Variants in TRIO observed in about 807,000 individuals in gnomAD.
The protein encoded by TRIO is triple functional domain protein.
TRIO carries 58 observed loss-of-function variants against 351.9 expected under a neutral mutation model. The ratio of observed to expected loss-of-function variants is 0.16; its 90% CI spans 0.13 to 0.21. The LOEUF (loss-of-function observed/expected upper bound fraction) is 0.21. Among genes scored for constraint, TRIO ranks in the 10% least tolerant of loss-of-function variants. The pLI, the probability that TRIO is intolerant of heterozygous loss-of-function variation, is 1.00. For missense variants in TRIO, 3,201 were observed against 4,027.8 expected, an observed-to-expected ratio of 0.79 and a Z score of 5.56; for synonymous variants, 1,758 against 1,595.7, an observed-to-expected ratio of 1.10 and a Z score of -2.42.
chr5:14,287,272 G>A (rs1268777101), intron 4 of TRIO, among the ~76,000 whole-genome samples: 3 of 152,210 alleles, frequency 2.0e-5, no homozygotes, highest in Non-Finnish European at 4.4e-5. Flanking sequence ...CATGGGCTTA[G>A]GTTTCAGTTC....
intron 30 of TRIO, chr5:14,399,357 C>A: frequency 2.3e-6 from 1 of 439,882 alleles, no homozygotes; most frequent in East Asian, 3.2e-5. Flanking sequence ...CATTTATCTC[C>A]GGTGTGCTTA....
chr5:14,321,904 A>T (rs1280580547), intron 9 of TRIO, among the ~76,000 whole-genome samples: 1 of 152,310 alleles, frequency 6.6e-6, no homozygotes, highest in Non-Finnish European at 1.5e-5. Context: ...GCCATGTAAG[A>T]CATGCCTTTG....
intron 14 of TRIO, 76 bp downstream of exon 14, chr5:14,364,003 A>T: frequency 7.0e-7 from 1 of 1,437,278 alleles, no homozygotes; most frequent in Admixed American, 2.3e-5. Flanking sequence ...TTTCAGTGGG[A>T]TGACTGCAAA....
Position 14,498,118 on chromosome 5 carries a change from G to A in TRIO, c.8077G>A (p.Glu2693Lys). ...CCCAGAATTCGTCATTCCATTGAGT[G>A]AGGTCACGTGTGAGACAGGGGAGAC... The part of the protein sequence containing the change: ...VPPEFVIPLS[E>K]VTCETGETVV... The change falls in exon 52 of 57, where the codon GAG (glutamate) becomes AAG (lysine). Residue 2693 changes from glutamate (E) to lysine (K), a missense_variant. This residue lies in a region of TRIO where 1,089 missense variants were observed against 954.9 expected (regional missense o/e 1.14). Transcript: ENST00000344204. The A allele has an allele frequency of 1.2e-6, 2 of 1,614,194 alleles. No individual in the cohort carries two copies. The highest frequency in any genetic ancestry group is 1.7e-6 in the Non-Finnish European group (2 of 1,180,042).
intron 11 of TRIO, among the ~76,000 whole-genome samples, chr5:14,339,394 A>G (rs1741729520): frequency 6.6e-6 from 1 of 152,222 alleles, no homozygotes; most frequent in South Asian, 2.1e-4. Context: ...TAAAAGTAAA[A>G]ATACATTTTG....
intron 1 of TRIO, among the ~76,000 whole-genome samples, chr5:14,238,398 G>A (rs1474273600): frequency 6.6e-6 from 1 of 152,212 alleles, no homozygotes; most frequent in African/African-American, 2.4e-5. Context: ...ATGGTGTTAA[G>A]TAAACTCGAA....
At position 14,269,810 on chromosome 5, in the gene TRIO, A is replaced by G. The variant is rs115238902; in HGVS notation, c.158-1015A>G. On this transcript the variant is annotated intron_variant, in intron 1 of 56. Transcript: ENST00000344204. ...TACATCTTGCTGTGGTTGTATTACCATGCTAGCATTTGCGATGCTTTTCTT... is the reference window on the plus strand; with the variant it reads ...TACATCTTGCTGTGGTTGTATTACCGTGCTAGCATTTGCGATGCTTTTCTT... Among the ~76,000 whole-genome samples, 1,481 of 152,314 alleles carry G rather than the reference A, an allele frequency of 9.7e-3. 27 individuals carry two copies. Among genetic ancestry groups the G allele is most frequent in the African/African-American group, 0.033 (1,389 of 41,552 alleles).
chr5:14,438,499 T>C (rs1751770863), intron 34 of TRIO, among the ~76,000 whole-genome samples: 1 of 152,240 alleles, frequency 6.6e-6, no homozygotes, highest in Admixed American at 6.5e-5. Context: ...GTTAACCAAG[T>C]CACCCACCTG....
Position 14,485,076 on chromosome 5 carries a change from G to A in TRIO, c.6665G>A (p.Cys2222Tyr). Reference protein sequence around the residue: ...FLFKNSIKVSCLCLEENVEND... With the variant: ...FLFKNSIKVSYLCLEENVEND... ...TGTTTTTTTTTTTTTAAGGTGAGTTGCCTTTGCCTGGAGGAAAATGTGGAA... is the reference window on the plus strand; with the variant it reads ...TGTTTTTTTTTTTTTAAGGTGAGTTACCTTTGCCTGGAGGAAAATGTGGAA... Residue 2222 changes from cysteine (C) to tyrosine (Y), a missense_variant, in exon 47 of 57, where the codon TGC becomes TAC. By Grantham distance (194) the Cys-to-Tyr change is radical (BLOSUM62 -2). Coordinates refer to ENST00000344204, the MANE Select transcript of TRIO (RefSeq NM_007118.4). The A allele has an allele frequency of 6.6e-7, 1 of 1,518,376 alleles. No individual in the cohort carries two copies. The highest frequency in any genetic ancestry group is 8.9e-7 in the Non-Finnish European group (1 of 1,125,982). The allele number at this position is 1,518,376 out of a possible 1,614,324, so 94.1% of individuals were successfully genotyped here. A position where few individuals can be genotyped will look rare whatever the true frequency, so the allele number is the denominator to read the frequency against.
chr5:14,411,928 G>A (rs1276749148), intron 33 of TRIO, among the ~76,000 whole-genome samples: 1 of 151,740 alleles, frequency 6.6e-6, no homozygotes, highest in Non-Finnish European at 1.5e-5. Flanking sequence ...TATTCTTAAT[G>A]AAGCCTTAGC....
At chr5:14,299,168 T>C (rs992245607) in intron 7 of TRIO, among the ~76,000 whole-genome samples, 4 of 152,174 alleles carry the variant, frequency 2.6e-5, no homozygotes, top group African/African-American at 4.8e-5. Context: ...TGTTTTATTA[T>C]AAAAAATTTT....
chr5:14,384,117 C>T (rs2152357332), intron 21 of TRIO, among the ~76,000 whole-genome samples: 1 of 152,304 alleles, frequency 6.6e-6, no homozygotes, highest in South Asian at 2.1e-4. Flanking sequence ...TCTGTCCTCA[C>T]TCCAAACCTA....
chr5:14,277,891 C>T (rs1213753191), intron 2 of TRIO, among the ~76,000 whole-genome samples: 1 of 152,192 alleles, frequency 6.6e-6, no homozygotes, highest in Non-Finnish European at 1.5e-5. Flanking sequence ...TCATTAACTG[C>T]GTTATGCCAT....
At chr5:14,438,141 C>G (rs1047313829) in intron 34 of TRIO, among the ~76,000 whole-genome samples, 2 of 152,234 alleles carry the variant, frequency 1.3e-5, no homozygotes, top group Admixed American at 6.5e-5. Context: ...TACACGTGTT[C>G]TCTTCCGCCA....
At chr5:14,366,320 G>C (rs935597897) in intron 15 of TRIO, among the ~76,000 whole-genome samples, 1 of 152,152 alleles carries the variant, frequency 6.6e-6, no homozygotes, top group Non-Finnish European at 1.5e-5. Flanking sequence ...CTTCCTCTGA[G>C]TGTGTGTGCA....
Position 14,291,009 on chromosome 5 carries a change from G to A in TRIO, c.834G>A (p.Glu278=). 1 of 1,614,196 alleles carries A rather than the reference G, an allele frequency of 6.2e-7. No individual in the cohort carries two copies. Among genetic ancestry groups the A allele is most frequent in the East Asian group, 2.2e-5 (1 of 44,890 alleles). Residue 278 remains glutamate (E), a synonymous_variant, in exon 5 of 57, where the codon GAG becomes GAA. Coordinates refer to ENST00000344204, the MANE Select transcript of TRIO (RefSeq NM_007118.4). ...IKAPIEDLDL[E]GQKLLQRIQS... The stretch of plus-strand genomic sequence containing the variant: ...CCCCCATCGAGGACCTGGATTTGGA[G>A]GGACAGAAGCTGCTTCAGAGGATAC...
At chr5:14,461,505 C>T (rs1376441758) in intron 35 of TRIO, among the ~76,000 whole-genome samples, 194 bp downstream of exon 35, 2 of 152,248 alleles carry the variant, frequency 1.3e-5, no homozygotes, top group African/African-American at 4.8e-5. Flanking sequence ...ACCCAGTAAG[C>T]ACATTCAGGA....
Position 14,508,023 on chromosome 5 carries a change from C to G in TRIO, c.8895C>G (p.Leu2965=). 1 of 1,614,222 alleles carries G rather than the reference C, an allele frequency of 6.2e-7. No homozygotes were observed. The highest frequency in any genetic ancestry group is 1.1e-5 in the South Asian group (1 of 91,082). Residue 2965 remains leucine (L), a synonymous_variant, in exon 57 of 57, where the codon CTC becomes CTG. Coordinates refer to ENST00000344204, the MANE Select transcript of TRIO (RefSeq NM_007118.4). The part of the protein sequence containing the change: ...NPEFAAPEII[L]GNPVSLTSDT... ...AATTCGCAGCCCCTGAAATCATCCT[C>G]GGGAACCCTGTCTCCCTGACCTCGG... is the stretch of plus-strand genomic sequence containing the variant.
At chr5:14,143,991 G>A (rs1207577059) in intron 1 of TRIO, 109 bp downstream of exon 1, 2 of 829,208 alleles carry the variant, frequency 2.4e-6, no homozygotes, top group South Asian at 5.5e-5. Context: ...CCGCCCGTCC[G>A]TCCGTCGGGG....
Sources: allele counts gnomAD v4.1 joint callset (sites outside exome capture counted in the v4.1 genomes callset), GRCh38; gene constraint gnomAD v4.1.1; regional missense constraint gnomAD v4.1.1; transcripts MANE v1.5; gene names NCBI Gene and HGNC (gene_info 2026-07-23, HGNC 2026-07-21).